Variants in PCLO observed in about 807,000 individuals in gnomAD.
PCLO encodes the protein piccolo presynaptic cytomatrix protein.
PCLO carries 82 observed loss-of-function variants against 427.5 expected under a neutral mutation model. The observed-to-expected ratio is 0.19, with a 90% CI of 0.16 to 0.23. PCLO has a LOEUF of 0.23. PCLO is among the 10% of genes least tolerant of loss of function. PCLO has a pLI of 1.00. For missense variants in PCLO, 6,239 were observed against 6,115.9 expected (o/e 1.02, Z -0.67); for synonymous variants, 2,357 against 2,155.4 (o/e 1.09, Z -2.59).
chr7:83,028,046 C>T (rs957330957), intron 3 of PCLO, among the ~76,000 whole-genome samples: 2 of 147,780 alleles, frequency 1.4e-5, no homozygotes, highest in Non-Finnish European at 3.0e-5. Context: ...AAAACTGGCA[C>T]AAGACAGGGA....
Position 82,801,571 on chromosome 7 carries a change from C to G in PCLO, c.14954G>C (p.Gly4985Ala). The change falls in exon 22 of 25, where the codon GGA becomes GCA. Residue 4985 changes from glycine to alanine, a missense_variant. By Grantham distance (60) the Gly-to-Ala change is moderately conservative. This residue lies in a region of PCLO where 877 missense variants were observed against 925.5 expected (regional missense o/e 0.95). Transcript: ENST00000333891. ...CCCTGGCTGTTTTACAGGCTCTTGTCCATTCTGTCCCATCTTCCCTCTGTT... is the reference window on the plus strand; with the variant it reads ...CCCTGGCTGTTTTACAGGCTCTTGTGCATTCTGTCCCATCTTCCCTCTGTT... ...IPRIGKMGQN[G>A]QEPVKQPGVG... 6.3e-7 allele frequency: 1 copy of G among 1,583,506 alleles called. No individual in the cohort carries two copies. Among genetic ancestry groups the G allele is most frequent in the South Asian group, 1.1e-5 (1 of 90,254 alleles).
At chr7:82,838,369 A>T in intron 14 of PCLO, 27 bp from the exon 15 acceptor site, 1 of 1,318,348 alleles carries the variant, frequency 7.6e-7, no homozygotes, top group South Asian at 1.4e-5. Context: ...AATATTCCAT[A>T]AGTTTTTAAA....
intron 3 of PCLO, among the ~76,000 whole-genome samples, chr7:83,121,264 A>C (rs534382043): frequency 4.0e-4 from 61 of 152,254 alleles, no homozygotes; most frequent in Non-Finnish European, 7.8e-4. Context: ...TTAGTTTTCC[A>C]TTTGCTTGTT....
chr7:82,761,609 C>A, intron 22 of PCLO, 116 bp from the exon 23 acceptor site: 1 of 669,480 alleles, frequency 1.5e-6, no homozygotes, highest in South Asian at 1.9e-5. Context: ...TATCTTATGA[C>A]ATCCTAAGTG....
intron 22 of PCLO, among the ~76,000 whole-genome samples, chr7:82,780,879 A>G (rs567149287): frequency 6.6e-6 from 1 of 152,294 alleles, no homozygotes; most frequent in South Asian, 2.1e-4. Context: ...GTGAATCATA[A>G]TATTCAGATT....
intron 4 of PCLO, among the ~76,000 whole-genome samples, chr7:82,959,210 G>A (rs1795601057): frequency 6.6e-6 from 1 of 152,084 alleles, no homozygotes; most frequent in Non-Finnish European, 1.5e-5. Context: ...GGGATTACAG[G>A]CATGTGCCAC....
Position 82,955,376 on chromosome 7 carries a change from A to G in PCLO, c.5577T>C (p.Tyr1859=). The G allele has an allele frequency of 4.3e-6, 7 of 1,613,892 alleles. No individual in the cohort carries two copies. The highest frequency in any genetic ancestry group is 5.9e-6 in the Non-Finnish European group (7 of 1,179,836). ...CTGGGTCTGACTCTATGCTAGGTGAATATTCAGAACAAGAAGATCTATGGA... is the reference window on the plus strand; with the variant it reads ...CTGGGTCTGACTCTATGCTAGGTGAGTATTCAGAACAAGAAGATCTATGGA... ...EELHRSSCSE[Y]SPSIESDPEG... is the part of the protein sequence containing the mutation. Residue 1859 remains tyrosine (Y), a synonymous_variant, in exon 5 of 25, where the codon TAT becomes TAC. Coordinates refer to ENST00000333891, the MANE Select transcript of PCLO (RefSeq NM_033026.6).
At position 83,162,630 on chromosome 7, in the gene PCLO, G is replaced by C. The variant is rs1584107012; in HGVS notation, c.-38C>G. Reference sequence around the variant, plus strand: ...CTCGGGGCCGCCGCGCTCCCTCCTCGCGCCGCGTCCCAGTCGAGAAGCCCG... The same window carrying C: ...CTCGGGGCCGCCGCGCTCCCTCCTCCCGCCGCGTCCCAGTCGAGAAGCCCG... On this transcript the variant is annotated 5_prime_UTR_variant, in exon 1 of 25. Transcript: ENST00000333891. The C allele has an allele frequency of 6.7e-7, 1 of 1,499,148 alleles. No homozygotes were observed. The highest frequency in any genetic ancestry group is 8.9e-7 in the Non-Finnish European group (1 of 1,128,164). 92.9% of individuals were successfully genotyped at this position (1,499,148 alleles called of 1,614,324 possible). A position where few individuals can be genotyped will look rare whatever the true frequency, so the allele number is the denominator to read the frequency against.
chr7:83,153,743 A>T (rs1285909642), intron 2 of PCLO, among the ~76,000 whole-genome samples: 1 of 152,160 alleles, frequency 6.6e-6, no homozygotes, highest in Non-Finnish European at 1.5e-5. Context: ...TTATATGCTG[A>T]TCATTACCTA....
At chr7:82,888,788 C>A (rs967160181) in intron 9 of PCLO, among the ~76,000 whole-genome samples, 1 of 151,966 alleles carries the variant, frequency 6.6e-6, no homozygotes. Flanking sequence ...ACAAAACAAA[C>A]AAAATAAAAA....
At chr7:83,136,501 G>A (rs1791734016) in intron 2 of PCLO, among the ~76,000 whole-genome samples, 2 of 151,892 alleles carry the variant, frequency 1.3e-5, no homozygotes, top group Non-Finnish European at 2.9e-5. Context: ...AATTAGCAAA[G>A]CATTACTCCC....
chr7:82,894,249 A>C (rs1441806337), intron 9 of PCLO: 4 of 152,142 alleles, frequency 2.6e-5, no homozygotes, highest in African/African-American at 9.6e-5. Flanking sequence ...GAAATTAAAC[A>C]AAAGTTTACA....
chr7:82,988,664 T>C (rs1171562228), intron 3 of PCLO, among the ~76,000 whole-genome samples: 3 of 152,132 alleles, frequency 2.0e-5, no homozygotes, highest in African/African-American at 7.2e-5. Context: ...ATTCTTCAAT[T>C]ATGATACATG....
At chr7:82,790,842 T>C (rs921574951) in intron 22 of PCLO, among the ~76,000 whole-genome samples, 34 of 152,220 alleles carry the variant, frequency 2.2e-4, no homozygotes, top group African/African-American at 8.2e-4. Flanking sequence ...TTAAAACCTG[T>C]ATAACAACAT....
chr7:83,146,597 CT>C (rs11354844), intron 2 of PCLO, among the ~76,000 whole-genome samples: 76,722 of 134,984 alleles, frequency 0.57, 20,581 homozygotes, highest in East Asian at 0.89. Flanking sequence ...CCAATAAATA[CT>C]TTTTTTTTTT....
intron 3 of PCLO, among the ~76,000 whole-genome samples, chr7:83,026,543 C>T (rs1029227626): frequency 6.6e-6 from 1 of 151,420 alleles, no homozygotes. Flanking sequence ...TTAGACAGAT[C>T]AACGAGACAG....
At chr7:82,812,922 A>C (rs1212499688) in intron 20 of PCLO, among the ~76,000 whole-genome samples, 1 of 151,418 alleles carries the variant, frequency 6.6e-6, no homozygotes, top group Non-Finnish European at 1.5e-5. Context: ...GAAAAAAAAA[A>C]CTCAAGCAGG....
intron 20 of PCLO, chr7:82,821,280 C>A (rs568921534): frequency 5.8e-5 from 57 of 986,360 alleles, no homozygotes; most frequent in South Asian, 4.7e-5. Context: ...TTAGACTGAC[C>A]GCTTTTATGT....
chr7:82,969,168 A>C (rs1433532293), intron 3 of PCLO, among the ~76,000 whole-genome samples: 1 of 152,170 alleles, frequency 6.6e-6, no homozygotes, highest in Admixed American at 6.5e-5. Flanking sequence ...ACATAGCAAT[A>C]ATTTCAAGGT....
Sources: gnomAD v4.1 joint callset for allele counts (sites outside exome capture counted in the v4.1 genomes callset) on GRCh38, gnomAD v4.1.1 for gene constraint, gnomAD v4.1.1 regional missense constraint, MANE v1.5 for transcripts, NCBI Gene and HGNC (gene_info 2026-07-23, HGNC 2026-07-21) for gene names.